The following FABP1 variants were observed in gnomAD, a reference collection of about 807,000 sequenced individuals.
FABP1 encodes fatty acid binding protein 1.
FABP1 carries 13 observed loss-of-function variants against 13.7 expected under a neutral mutation model. The ratio of observed to expected loss-of-function variants is 0.95; its 90% CI spans 0.62 to 1.51. FABP1 has a LOEUF of 1.51. Ranked by LOEUF, FABP1 falls within the 40% of genes most tolerant of loss-of-function variation. The pLI, the probability that FABP1 is intolerant of heterozygous loss-of-function variation, is 0.00. For missense variants in FABP1, 140 were observed against 155.7 expected (o/e 0.90, Z 0.54); for synonymous variants, 48 against 59.8 (o/e 0.80, Z 0.91).
In FABP1 at chr2:88,126,340, C is replaced by T. The variant is rs1675296255; in HGVS notation, c.76G>A (p.Glu26Lys). The change falls in exon 2 of 4, where the codon GAA becomes AAA. Residue 26 changes from glutamate (E) to lysine (K), a missense_variant. Transcript: ENST00000295834. The stretch of plus-strand genomic sequence containing the variant: ...TCCTTCCCCTTCTGGATGAGCTCTT[C>T]CGGCAGACCTGGTGGAAACCGTCTG... Reference protein sequence around the residue: ...EAFMKAIGLPEELIQKGKDIK... With the variant: ...EAFMKAIGLPKELIQKGKDIK... 1.2e-6 allele frequency: 2 copies of T among 1,613,126 alleles called. No homozygotes were observed. Among genetic ancestry groups the T allele is most frequent in the Non-Finnish European group, 1.7e-6 (2 of 1,179,302 alleles).
At chr2:88,126,059 G>A (rs1675290419) in intron 2 of FABP1, 117 bp downstream of exon 2, 1 of 1,049,754 alleles carries the variant, frequency 9.5e-7, no homozygotes, top group Non-Finnish European at 1.4e-6. Context: ...TCCCACATGG[G>A]AGGTGGGTTC....
intron 3 of FABP1, chr2:88,123,494 A>G (rs1558865527): frequency 5.2e-6 from 1 of 192,570 alleles, no homozygotes; most frequent in Non-Finnish European, 1.1e-5. Flanking sequence ...CTAGGCACAC[A>G]GCCTGGAAGG....
chr2:88,124,728 C>G (rs980231091), intron 2 of FABP1, 142 bp from the exon 3 acceptor site: 1 of 590,802 alleles, frequency 1.7e-6, no homozygotes. Context: ...CTCTAGTTCT[C>G]TGGCTCCAAA....
At chr2:88,123,439 A>C (rs1462521366) in intron 3 of FABP1, 2 of 299,532 alleles carry the variant, frequency 6.7e-6, no homozygotes, top group African/African-American at 4.4e-5. Flanking sequence ...CCTACTATGC[A>C]CCAAATACAT....
intron 2 of FABP1, chr2:88,125,832 C>T (rs970972532): frequency 5.1e-6 from 1 of 195,846 alleles, no homozygotes; most frequent in Non-Finnish European, 1.0e-5. Context: ...ACTTGCCCCA[C>T]TCCTGGGCCC....
intron 2 of FABP1, among the ~76,000 whole-genome samples, chr2:88,124,814 A>G (rs762875133): frequency 2.6e-5 from 4 of 152,194 alleles, no homozygotes; most frequent in Non-Finnish European, 5.9e-5. Flanking sequence ...ATGGCATGTG[A>G]TCTAGAAATG....
At chr2:88,124,936 A>G (rs1016735030) in intron 2 of FABP1, among the ~76,000 whole-genome samples, 2 of 151,904 alleles carry the variant, frequency 1.3e-5, no homozygotes, top group African/African-American at 2.4e-5. Flanking sequence ...AATATTGACC[A>G]GTAGAGAATA....
rs1232771962 is a variant in FABP1 at position 88,128,013 on chromosome 2, C to G, written c.5G>C (p.Ser2Thr). Residue 2 changes from serine (S) to threonine (T), a missense_variant, in exon 1 of 4, where the codon AGT (serine) becomes ACT (threonine). Ser to Thr is a moderately conservative substitution (Grantham distance 58, BLOSUM62 1). Coordinates refer to ENST00000295834, the MANE Select transcript of FABP1 (RefSeq NM_001443.3). ...CTGCAGTTGGTACTTGCCGGAGAAA[C>G]TCATGGTGGCAATAGAGCTCCCTCT... M[S>T]FSGKYQLQSQ... 6.2e-7 allele frequency: 1 copy of G among 1,614,082 alleles called. No homozygotes were observed. Among genetic ancestry groups the G allele is most frequent in the Non-Finnish European group, 8.5e-7 (1 of 1,180,032 alleles).
At chr2:88,126,059 G>C (rs1675290419) in intron 2 of FABP1, 117 bp downstream of exon 2, 2 of 1,049,636 alleles carry the variant, frequency 1.9e-6, no homozygotes, top group Non-Finnish European at 2.8e-6. Context: ...TCCCACATGG[G>C]AGGTGGGTTC....
At chr2:88,125,582 T>C (rs1034037066) in intron 2 of FABP1, among the ~76,000 whole-genome samples, 1 of 152,214 alleles carries the variant, frequency 6.6e-6, no homozygotes, top group African/African-American at 2.4e-5. Context: ...GCAGAAGTGA[T>C]GCTGCCCTGC....
At position 88,126,251 on chromosome 2, in the gene FABP1, C is replaced by A. The variant is rs373818427; in HGVS notation, c.165G>T (p.Gly55=). The change falls in exon 2 of 4, where the codon GGG becomes GGT. Residue 55 remains glycine (G), a synonymous_variant. Transcript: ENST00000295834. ...GKHFKFTITA[G]SKVIQNEFTV... ...TGAATTCGTTTTGGATCACTTTGGA[C>A]CCAGCGGTGATGGTGAACTTGAAGT... is the stretch of plus-strand genomic sequence containing the variant. 3 of 1,613,878 alleles carry A rather than the reference C, an allele frequency of 1.9e-6. No individual in the cohort carries two copies. In the African/African-American group the frequency reaches 4.0e-5, roughly 22 times the overall value.
chr2:88,123,480 A>G lies in FABP1; in HGVS notation c.334-376T>C, dbSNP rs1469837698. On this transcript the variant is annotated intron_variant, in intron 3 of 3. Coordinates refer to ENST00000295834, the MANE Select transcript of FABP1 (RefSeq NM_001443.3). Reference sequence around the variant, plus strand: ...GCACCAAGGATACATGTACATGGACACAACTAGGCACACAGCCTGGAAGGC... The same window carrying G: ...GCACCAAGGATACATGTACATGGACGCAACTAGGCACACAGCCTGGAAGGC... 6 of 205,918 alleles carry G rather than the reference A, an allele frequency of 2.9e-5. No individual in the cohort carries two copies. In the Admixed American group the frequency reaches 3.3e-4, roughly 11 times the overall value. 12.8% of individuals were successfully genotyped at this position (205,918 alleles called of 1,614,324 possible). A position where few individuals can be genotyped will look rare whatever the true frequency, so the allele number is the denominator to read the frequency against.
At chr2:88,123,769 C>T (rs1236374924) in intron 3 of FABP1, 1 of 152,302 alleles carries the variant, frequency 6.6e-6, no homozygotes, top group East Asian at 1.9e-4. Flanking sequence ...TCTATTGAAT[C>T]CCTCATCCAG....
chr2:88,123,723 A>G (rs948760908), intron 3 of FABP1: 4 of 152,338 alleles, frequency 2.6e-5, no homozygotes, highest in Non-Finnish European at 2.9e-5. Flanking sequence ...CCTGGATTTA[A>G]CATTTATTAG....
rs1191643445 is a variant in FABP1 at position 88,126,249 on chromosome 2, G to C, written c.167C>G (p.Ser56Cys). 6.2e-7 allele frequency: 1 copy of C among 1,613,754 alleles called. No homozygotes were observed. Among genetic ancestry groups the C allele is most frequent in the Admixed American group, 1.7e-5 (1 of 60,000 alleles). ...KHFKFTITAG[S>C]KVIQNEFTVG... ...CGTGAATTCGTTTTGGATCACTTTG[G>C]ACCCAGCGGTGATGGTGAACTTGAA... Residue 56 changes from serine to cysteine, a missense_variant, in exon 2 of 4, where the codon TCC becomes TGC. Transcript: ENST00000295834.
At chr2:88,126,105 A>G in intron 2 of FABP1, 71 bp downstream of exon 2, 1 of 1,489,330 alleles carries the variant, frequency 6.7e-7, no homozygotes, top group Non-Finnish European at 9.2e-7. Context: ...GTGAGGTTTG[A>G]GCCTTGAGGA....
intron 1 of FABP1, among the ~76,000 whole-genome samples, chr2:88,127,167 C>T (rs1675313532): frequency 6.6e-6 from 1 of 152,162 alleles, no homozygotes; most frequent in Admixed American, 6.5e-5. Flanking sequence ...ATGCTCCCTG[C>T]CCCCAGTTCC....
intron 2 of FABP1, among the ~76,000 whole-genome samples, chr2:88,124,909 G>A (rs1015037176): frequency 3.3e-5 from 5 of 151,848 alleles, no homozygotes; most frequent in African/African-American, 1.2e-4. Flanking sequence ...AATGGAGGGA[G>A]GTAGTGGCAA....
At chr2:88,125,817 C>T in intron 2 of FABP1, 1 of 180,254 alleles carries the variant, frequency 5.5e-6, no homozygotes, top group Middle Eastern at 2.3e-3. Context: ...TTTTCACAAA[C>T]TCCCACTTGC....
Sources: allele counts gnomAD v4.1 joint callset (sites outside exome capture counted in the v4.1 genomes callset), GRCh38; gene constraint gnomAD v4.1.1; transcripts MANE v1.5; gene names NCBI Gene and HGNC (gene_info 2026-07-23, HGNC 2026-07-21).